Variants in MAML3 observed in about 807,000 individuals in gnomAD.
MAML3 encodes mastermind-like protein 3.
MAML3 carries 27 observed loss-of-function variants against 101.9 expected under a neutral mutation model. The ratio of observed to expected loss-of-function variants is 0.27; its 90% CI spans 0.20 to 0.37. The LOEUF (loss-of-function observed/expected upper bound fraction) is 0.37, where lower values mean the gene tolerates loss of function less well. Among genes scored for constraint, MAML3 ranks in the 10% least tolerant of loss-of-function variants. The pLI is 1.00. For missense variants in MAML3, 1,316 were observed against 1,444.9 expected, an observed-to-expected ratio of 0.91 and a Z score of 1.45; for synonymous variants, 501 against 555.9, an observed-to-expected ratio of 0.90 and a Z score of 1.39.
intron 1 of MAML3, among the ~76,000 whole-genome samples, chr4:140,039,414 A>G (rs936930694): frequency 5.3e-5 from 8 of 152,250 alleles, no homozygotes; most frequent in African/African-American, 1.9e-4. Context: ...ATGGCTGACC[A>G]TGCATGGTGG....
At chr4:140,061,432 G>A (rs1027057730) in intron 1 of MAML3, among the ~76,000 whole-genome samples, 36 of 152,286 alleles carry the variant, frequency 2.4e-4, no homozygotes, top group Admixed American at 2.1e-3. Context: ...GCTAAGATTG[G>A]CAGGAAACAA....
intron 1 of MAML3, among the ~76,000 whole-genome samples, chr4:140,040,684 A>G (rs1396025582): frequency 6.6e-6 from 1 of 152,212 alleles, no homozygotes; most frequent in African/African-American, 2.4e-5. Flanking sequence ...TAAATTACAC[A>G]CAGAGTAATT....
rs188466049 is a variant in MAML3, at chr4:139,963,082, G to T, written c.469-72115C>A. ...GAAAGAGCTCTTCAGATCGTTTTGGGAATGAAGTTAGTGAAGAGGTGAGGC... is the reference window on the plus strand; with the variant it reads ...GAAAGAGCTCTTCAGATCGTTTTGGTAATGAAGTTAGTGAAGAGGTGAGGC... On this transcript the variant is annotated intron_variant, in intron 1 of 4. Transcript: ENST00000509479. Among the ~76,000 whole-genome samples the T allele has an allele frequency of 1.1e-3, 169 of 152,192 alleles. 1 individual carries two copies. The highest frequency in any genetic ancestry group is 3.9e-3 in the African/African-American group (161 of 41,504).
chr4:140,033,132 G>C (rs1257231757), intron 1 of MAML3, among the ~76,000 whole-genome samples: 1 of 152,188 alleles, frequency 6.6e-6, no homozygotes, highest in Non-Finnish European at 1.5e-5. Flanking sequence ...TATATGGATT[G>C]CACATAATCA....
chr4:139,882,614 C>T (rs373127050), intron 2 of MAML3, among the ~76,000 whole-genome samples: 3 of 152,034 alleles, frequency 2.0e-5, no homozygotes, highest in African/African-American at 4.8e-5. Flanking sequence ...TTTGGGAGGC[C>T]GAGGCAGGTG....
At chr4:139,825,436 C>G (rs1005000625) in intron 2 of MAML3, among the ~76,000 whole-genome samples, 2 of 152,204 alleles carry the variant, frequency 1.3e-5, no homozygotes, top group African/African-American at 2.4e-5. Flanking sequence ...AAGGATAAAG[C>G]AACTTCCTAC....
intron 1 of MAML3, among the ~76,000 whole-genome samples, chr4:139,977,410 A>C (rs1213439219): frequency 6.6e-6 from 1 of 152,210 alleles, no homozygotes; most frequent in Non-Finnish European, 1.5e-5. Flanking sequence ...TGATAAAGCA[A>C]TAACCATTTT....
At chr4:139,910,864 G>GAT (rs1388892474) in intron 1 of MAML3, among the ~76,000 whole-genome samples, 2 of 152,274 alleles carry the variant, frequency 1.3e-5, no homozygotes, top group South Asian at 2.1e-4. Context: ...CAGGCATACA[G>GAT]ATATATATAA....
At chr4:140,006,018 T>G (rs762039963) in intron 1 of MAML3, among the ~76,000 whole-genome samples, 21 of 152,214 alleles carry the variant, frequency 1.4e-4, no homozygotes, top group Non-Finnish European at 2.6e-4. Context: ...ACATTCATTA[T>G]TCAGTCTCCT....
In MAML3 at chr4:139,905,289, G is replaced by A. The variant is rs551790913; in HGVS notation, c.469-14322C>T. Among the ~76,000 whole-genome samples the A allele has an allele frequency of 1.7e-4, 26 of 152,156 alleles. 1 individual carries two copies. The East Asian group carries it at 2.5e-3, about 15-fold the overall frequency. ...GGGTGGATCATGAGGTCAGGAGATC[G>A]AGACCATCCTGGCTAACACGGTGAA... On this transcript the variant is annotated intron_variant, in intron 1 of 4. Coordinates refer to ENST00000509479, the MANE Select transcript of MAML3 (RefSeq NM_018717.5).
chr4:139,977,761 T>A (rs962933806), intron 1 of MAML3, among the ~76,000 whole-genome samples: 43 of 151,958 alleles, frequency 2.8e-4, no homozygotes, highest in Admixed American at 1.8e-3. Context: ...TAATCCAAGC[T>A]ACTCAGGAGG....
At chr4:139,971,732 T>C (rs1025935135) in intron 1 of MAML3, among the ~76,000 whole-genome samples, 1 of 152,206 alleles carries the variant, frequency 6.6e-6, no homozygotes, top group Non-Finnish European at 1.5e-5. Context: ...TTAGGTAGAA[T>C]TACTTTCTTA....
At chr4:139,797,414 C>T (rs140501554) in intron 2 of MAML3, among the ~76,000 whole-genome samples, 440 of 152,190 alleles carry the variant, frequency 2.9e-3, no homozygotes, top group Non-Finnish European at 5.1e-3. Flanking sequence ...CCCATGGACA[C>T]TGGACAATGG....
intron 1 of MAML3, among the ~76,000 whole-genome samples, chr4:139,979,584 G>C (rs1377337104): frequency 6.6e-6 from 1 of 152,182 alleles, no homozygotes; most frequent in Non-Finnish European, 1.5e-5. Flanking sequence ...AGAGGTAACA[G>C]GGCCTTTAAG....
chr4:140,132,689 C>A (rs1728815651), intron 1 of MAML3, among the ~76,000 whole-genome samples: 1 of 152,206 alleles, frequency 6.6e-6, no homozygotes, highest in Non-Finnish European at 1.5e-5. Context: ...AGGCTGAAGA[C>A]TTCTCACTTT....
intron 2 of MAML3, among the ~76,000 whole-genome samples, chr4:139,768,228 G>C (rs1203008867): frequency 1.5e-5 from 2 of 132,812 alleles, no homozygotes; most frequent in African/African-American, 5.5e-5. Context: ...ATAGTTGTGT[G>C]TGTGTGTGTG....
At chr4:139,871,507 G>A (rs1257249372) in intron 2 of MAML3, among the ~76,000 whole-genome samples, 2 of 152,120 alleles carry the variant, frequency 1.3e-5, no homozygotes, top group Non-Finnish European at 2.9e-5. Context: ...ACGCAGTCAG[G>A]TCCTAATTAT....
At chr4:139,816,006 C>G (rs1267775323) in intron 2 of MAML3, among the ~76,000 whole-genome samples, 1 of 152,142 alleles carries the variant, frequency 6.6e-6, no homozygotes, top group Non-Finnish European at 1.5e-5. Context: ...CATATATTCA[C>G]CCCAGCTCCA....
chr4:140,144,394 A>T (rs2111058032), intron 1 of MAML3, among the ~76,000 whole-genome samples: 1 of 152,190 alleles, frequency 6.6e-6, no homozygotes, highest in Middle Eastern at 3.4e-3. Flanking sequence ...CAAAAAAACA[A>T]AAAATTAACT....
Sources: gnomAD v4.1 joint callset for allele counts (sites outside exome capture counted in the v4.1 genomes callset) on GRCh38, gnomAD v4.1.1 for gene constraint, MANE v1.5 for transcripts, NCBI Gene and HGNC (gene_info 2026-07-23, HGNC 2026-07-21) for gene names.